ULK4: variants seen among roughly 807,000 people sequenced by gnomAD.
The protein encoded by ULK4 is inactive serine/threonine-protein kinase ULK4.
ULK4 carries 133 observed loss-of-function variants against 160.6 expected under a neutral mutation model. The observed-to-expected ratio is 0.83, with a 90% CI of 0.72 to 0.96. The LOEUF (loss-of-function observed/expected upper bound fraction) is 0.96. Among genes scored for constraint, ULK4 ranks in the 40% least tolerant of loss-of-function variants. ULK4 has a pLI of 0.00. For missense variants in ULK4, 1,580 were observed against 1,499.5 expected, an observed-to-expected ratio of 1.05 and a Z score of -0.89; for synonymous variants, 534 against 539.8, an observed-to-expected ratio of 0.99 and a Z score of 0.15.
intron 35 of ULK4, among the ~76,000 whole-genome samples, chr3:41,356,544 G>A (rs892047621): frequency 1.3e-5 from 2 of 152,252 alleles, no homozygotes; most frequent in African/African-American, 4.8e-5. Context: ...ACAAGCCAGT[G>A]CAAAAAGGCA....
At chr3:41,818,729 T>G (rs1053735094) in intron 19 of ULK4, among the ~76,000 whole-genome samples, 3 of 152,198 alleles carry the variant, frequency 2.0e-5, no homozygotes, top group East Asian at 1.9e-4. Flanking sequence ...TCCTGATATA[T>G]CTTTCTCATT....
At chr3:41,396,212 A>G (rs1325813599) in intron 35 of ULK4, among the ~76,000 whole-genome samples, 1 of 150,834 alleles carries the variant, frequency 6.6e-6, no homozygotes, top group Non-Finnish European at 1.5e-5. Flanking sequence ...TGGTGTAAAT[A>G]TTCATACATT....
At chr3:41,449,963 A>C (rs2083389131) in intron 34 of ULK4, among the ~76,000 whole-genome samples, 1 of 149,792 alleles carries the variant, frequency 6.7e-6, no homozygotes, top group Non-Finnish European at 1.5e-5. Context: ...TGGCCAAAAA[A>C]GGCACACATG....
intron 30 of ULK4, among the ~76,000 whole-genome samples, chr3:41,634,253 C>T (rs1376175037): frequency 6.6e-6 from 1 of 152,132 alleles, no homozygotes; most frequent in African/African-American, 2.4e-5. Context: ...GACCCATGTC[C>T]AGTTTATGAT....
intron 21 of ULK4, among the ~76,000 whole-genome samples, chr3:41,762,466 T>C (rs1233834287): frequency 6.6e-6 from 1 of 152,086 alleles, no homozygotes; most frequent in Non-Finnish European, 1.5e-5. Flanking sequence ...ATTAGCCTAT[T>C]CTCACACTGC....
chr3:41,755,187 G>A (rs982079516), intron 21 of ULK4, among the ~76,000 whole-genome samples: 1 of 152,116 alleles, frequency 6.6e-6, no homozygotes, highest in African/African-American at 2.4e-5. Context: ...TCAGCAAGAT[G>A]GCTACAGAGA....
intron 32 of ULK4, among the ~76,000 whole-genome samples, chr3:41,541,918 C>T (rs774892999): frequency 9.2e-5 from 14 of 152,110 alleles, no homozygotes; most frequent in Non-Finnish European, 1.5e-4. Context: ...AGACTTTGGG[C>T]TGAGATTATA....
At chr3:41,658,622 G>A (rs562313161) in intron 30 of ULK4, among the ~76,000 whole-genome samples, 1 of 152,124 alleles carries the variant, frequency 6.6e-6, no homozygotes, top group East Asian at 1.9e-4. Flanking sequence ...TCTGTTTAAA[G>A]GAGTGGCACA....
chr3:41,878,087 A>AGG (rs1697377321), intron 17 of ULK4, among the ~76,000 whole-genome samples: 3 of 151,480 alleles, frequency 2.0e-5, no homozygotes, highest in African/African-American at 7.3e-5. Context: ...CCAGGAAAAA[A>AGG]AAAAAAAAAA....
At chr3:41,768,931 G>C (rs1300062260) in intron 21 of ULK4, among the ~76,000 whole-genome samples, 1 of 151,960 alleles carries the variant, frequency 6.6e-6, no homozygotes, top group Non-Finnish European at 1.5e-5. Flanking sequence ...CTTACAATAA[G>C]GTTACATCCC....
At chr3:41,409,146 C>T (rs1575524658) in intron 34 of ULK4, among the ~76,000 whole-genome samples, 1 of 152,120 alleles carries the variant, frequency 6.6e-6, no homozygotes, top group East Asian at 1.9e-4. Context: ...GTCCCAACTA[C>T]TCAGGAGGCT....
intron 32 of ULK4, among the ~76,000 whole-genome samples, chr3:41,527,395 A>C (rs879571220): frequency 6.6e-6 from 1 of 152,250 alleles, no homozygotes; most frequent in Non-Finnish European, 1.5e-5. Flanking sequence ...CACTGGTCCA[A>C]ATGCTTTACC....
At chr3:41,883,705 C>T (rs1697606767) in intron 17 of ULK4, among the ~76,000 whole-genome samples, 169 bp downstream of exon 17, 3 of 152,150 alleles carry the variant, frequency 2.0e-5, no homozygotes, top group Admixed American at 6.5e-5. Flanking sequence ...TGTATATGTG[C>T]TGCTATGTTT....
chr3:41,415,522 C>T (rs138157342), intron 34 of ULK4, among the ~76,000 whole-genome samples: 4 of 152,290 alleles, frequency 2.6e-5, no homozygotes, highest in East Asian at 1.9e-4. Flanking sequence ...TTATCAAGCA[C>T]GGTGCCGCTC....
rs2082116063 is a variant in ULK4, at chr3:41,398,628, G to C, written c.3493-364C>G. On this transcript the variant is annotated intron_variant, in intron 34 of 36. Transcript: ENST00000301831. The stretch of plus-strand genomic sequence containing the variant: ...GCTAGTTTTGAACTCCTGGGTTCAA[G>C]GAATCCTCCTTCCTCAGCCTCCCAA... Among the ~76,000 whole-genome samples, 4 of 151,056 alleles carry C rather than the reference G, an allele frequency of 2.6e-5. No individual in the cohort carries two copies. The South Asian group carries it at 8.4e-4, about 32-fold the overall frequency.
intron 21 of ULK4, among the ~76,000 whole-genome samples, chr3:41,773,703 C>T (rs538174867): frequency 5.8e-4 from 89 of 152,172 alleles, no homozygotes; most frequent in African/African-American, 2.0e-3. Flanking sequence ...ACTTTCTTCA[C>T]AGAATTGGAA....
At chr3:41,249,199 C>G (rs1368872217) in intron 36 of ULK4, among the ~76,000 whole-genome samples, 6 of 152,222 alleles carry the variant, frequency 3.9e-5, no homozygotes, top group African/African-American at 1.4e-4. Flanking sequence ...TCCACTCAAC[C>G]TCTTCAGGGG....
At chr3:41,651,292 C>G (rs1575530129) in intron 30 of ULK4, among the ~76,000 whole-genome samples, 1 of 152,278 alleles carries the variant, frequency 6.6e-6, no homozygotes, top group East Asian at 1.9e-4. Flanking sequence ...TCTCCTCAAT[C>G]CTACATTTCA....
chr3:41,581,842 C>T (rs899353962), intron 31 of ULK4, among the ~76,000 whole-genome samples: 2 of 152,182 alleles, frequency 1.3e-5, no homozygotes, highest in South Asian at 2.1e-4. Context: ...CCAGAAGAAC[C>T]AGCAGACTCG....
Sources: gnomAD v4.1 joint callset for allele counts (sites outside exome capture counted in the v4.1 genomes callset) on GRCh38, gnomAD v4.1.1 for gene constraint, MANE v1.5 for transcripts, NCBI Gene and HGNC (gene_info 2026-07-23, HGNC 2026-07-21) for gene names.